The following ZNF429 variants were observed in gnomAD, a reference collection of about 807,000 sequenced individuals.
ZNF429 encodes the protein zinc finger protein 429.
A neutral mutation model predicts 56.8 loss-of-function variants in ZNF429; 53 were observed. The observed-to-expected ratio is 0.93, with a 90% CI of 0.75 to 1.17. The LOEUF (loss-of-function observed/expected upper bound fraction) is 1.17. Ranked by LOEUF, ZNF429 falls within the 50% of genes most tolerant of loss-of-function variation. The pLI is 0.00. For synonymous variants in ZNF429, 278 were observed against 264.7 expected, an observed-to-expected ratio of 1.05 and a Z score of -0.49; for missense variants, 849 against 788.4, an observed-to-expected ratio of 1.08 and a Z score of -0.92.
chr19:21,516,840 G>A (rs192811690), intron 1 of ZNF429, among the ~76,000 whole-genome samples: 5 of 152,118 alleles, frequency 3.3e-5, no homozygotes, highest in Non-Finnish European at 7.3e-5. Flanking sequence ...AAGAGCTTTT[G>A]CACCAAGACT....
At position 21,538,014 on chromosome 19, in the gene ZNF429, C is replaced by T. The variant is rs2033783942; in HGVS notation, c.1961C>T (p.Pro654Leu). The T allele has an allele frequency of 6.2e-7, 1 of 1,611,916 alleles. No individual in the cohort carries two copies. The highest frequency in any genetic ancestry group is 8.5e-7 in the Non-Finnish European group (1 of 1,178,800). ...RMGVVAHACN[P>L]STLGGRGGRI... Reference sequence around the variant, plus strand: ...GGTGTGGTGGCTCATGCCTGTAATCCCAGCACTTTGGGAGGCAGAGGTGGG... The same window carrying T: ...GGTGTGGTGGCTCATGCCTGTAATCTCAGCACTTTGGGAGGCAGAGGTGGG... Residue 654 changes from proline (P) to leucine (L), a missense_variant, in exon 4 of 4, where the codon CCC becomes CTC. Transcript: ENST00000358491.
intron 1 of ZNF429, 106 bp from the exon 2 acceptor site, chr19:21,529,552 C>A: frequency 8.5e-7 from 1 of 1,177,530 alleles, no homozygotes. Flanking sequence ...GTTCTCTTTA[C>A]TCTCTCATTT....
chr19:21,505,930 A>G lies in ZNF429; in HGVS notation c.3+156A>G, dbSNP rs1030228477. 1.2e-5 allele frequency: 9 copies of G among 743,672 alleles called. No homozygotes were observed. In the African/African-American group the frequency reaches 1.6e-4, roughly 13 times the overall value. 46.1% of individuals were successfully genotyped at this position (743,672 alleles called of 1,614,324 possible). A position where few individuals can be genotyped will look rare whatever the true frequency, so the allele number is the denominator to read the frequency against. On this transcript the variant is annotated intron_variant, in intron 1 of 3. Transcript: ENST00000358491. The stretch of plus-strand genomic sequence containing the variant: ...CTCGGCTTCAGTCCCCTTCAGCCAT[A>G]AGATGGCGACTGTGCTGACAGCCGG...
chr19:21,539,777 G>A lies in ZNF429; in HGVS notation c.*1699G>A, dbSNP rs1053200713. On this transcript the variant is annotated 3_prime_UTR_variant, in exon 4 of 4. Transcript: ENST00000358491. The stretch of plus-strand genomic sequence containing the variant: ...TGTATATATATAAAATTTTTGAAAA[G>A]CAAATTATGATATAATTCAAGTATC... Among the ~76,000 whole-genome samples the A allele has an allele frequency of 7.9e-5, 12 of 152,002 alleles. No homozygotes were observed. The highest frequency in any genetic ancestry group is 2.9e-4 in the African/African-American group (12 of 41,384).
chr19:21,532,886 C>T, intron 3 of ZNF429, among the ~76,000 whole-genome samples: 1 of 152,032 alleles, frequency 6.6e-6, no homozygotes, highest in African/African-American at 2.4e-5. Flanking sequence ...TTAGTAGAGA[C>T]AGGGTTTCAC....
At chr19:21,524,849 T>G (rs186226151) in intron 1 of ZNF429, among the ~76,000 whole-genome samples, 1 of 152,332 alleles carries the variant, frequency 6.6e-6, no homozygotes, top group East Asian at 1.9e-4. Context: ...GTTTGTTTCT[T>G]TCCTCATACA....
At chr19:21,508,699 C>CT (rs34788876) in intron 1 of ZNF429, among the ~76,000 whole-genome samples, 42 of 143,992 alleles carry the variant, frequency 2.9e-4, no homozygotes, top group Admixed American at 5.5e-4. Context: ...TTTTCTCAGG[C>CT]TTTTTTTTTT....
intron 1 of ZNF429, among the ~76,000 whole-genome samples, chr19:21,520,330 G>T (rs531786799): frequency 5.1e-4 from 78 of 152,300 alleles, no homozygotes; most frequent in African/African-American, 1.8e-3. Context: ...CTTGGTTGTT[G>T]TAGGAGAAAA....
intron 1 of ZNF429, among the ~76,000 whole-genome samples, chr19:21,509,824 G>A (rs1203356458): frequency 6.6e-6 from 1 of 152,136 alleles, no homozygotes; most frequent in African/African-American, 2.4e-5. Context: ...TTACCAAGGA[G>A]TATTGCAACA....
intron 3 of ZNF429, among the ~76,000 whole-genome samples, chr19:21,532,135 G>A: frequency 6.0e-4 from 89 of 148,808 alleles, no homozygotes; most frequent in Middle Eastern, 3.6e-3. Context: ...TTAAAAAGAC[G>A]TAAATTTTAA....
intron 1 of ZNF429, among the ~76,000 whole-genome samples, chr19:21,510,611 T>C (rs1179041064): frequency 6.6e-6 from 1 of 152,104 alleles, no homozygotes; most frequent in Non-Finnish European, 1.5e-5. Flanking sequence ...TTGATCATTC[T>C]TGGGTGTTTC....
rs760676111 is a variant in ZNF429 at position 21,537,859 on chromosome 19, T to C, written c.1806T>C (p.Phe602=). 5 of 1,613,990 alleles carry C rather than the reference T, an allele frequency of 3.1e-6. No individual in the cohort carries two copies. The highest frequency in any genetic ancestry group is 1.7e-5 in the Admixed American group (1 of 59,994). ...AATGTGAAGAATGTGGCAAAGCTTT[T>C]AATCGGTCCTCAAGACTTACTCAAC... ...PYKCEECGKA[F]NRSSRLTQHK... Residue 602 remains phenylalanine (F), a synonymous_variant, in exon 4 of 4, where the codon TTT becomes TTC. Transcript: ENST00000358491.
Position 21,526,200 on chromosome 19 carries a change from G to A in ZNF429, c.4-3458G>A, listed in dbSNP as rs78891516. Reference sequence around the variant, plus strand: ...CACTTTGACTTTTTTTTTTCCATAAGTCACTGGTGTACAGGTAGTATTTGG... The same window carrying A: ...CACTTTGACTTTTTTTTTTCCATAAATCACTGGTGTACAGGTAGTATTTGG... On this transcript the variant is annotated intron_variant, in intron 1 of 3. Transcript: ENST00000358491. 4.8e-3 allele frequency among the ~76,000 whole-genome samples: 730 copies of A among 151,192 alleles called. 7 individuals are homozygous for A. The highest frequency in any genetic ancestry group is 0.017 in the African/African-American group (689 of 41,194).
Position 21,537,534 on chromosome 19 carries a change from C to G in ZNF429, c.1481C>G (p.Ser494Ter). The G allele has an allele frequency of 6.2e-7, 1 of 1,613,608 alleles. No homozygotes were observed. Among genetic ancestry groups the G allele is most frequent in the Non-Finnish European group, 8.5e-7 (1 of 1,179,952 alleles). ...TGTGGCAAAGCCTTTAAGCAGTCCTCAAACCTTAACAGTCATAAAAAAATT... is the reference window on the plus strand; with the variant it reads ...TGTGGCAAAGCCTTTAAGCAGTCCTGAAACCTTAACAGTCATAAAAAAATT... ...EECGKAFKQS[S>*]NLNSHKKIHS... The change falls in exon 4 of 4, where the codon TCA becomes TGA. Residue 494 changes from serine to a stop codon, truncating the protein, a stop_gained. Transcript: ENST00000358491. LOFTEE classifies it high-confidence loss of function.
Position 21,537,770 on chromosome 19 carries a change from G to A in ZNF429, c.1717G>A (p.Ala573Thr). ...KPYKCKQCDK[A>T]FTHSSNLSSH... ...CTACAAATGTAAACAATGTGACAAA[G>A]CTTTTACCCACTCCTCAAACCTTAG... Residue 573 changes from alanine to threonine, a missense_variant, in exon 4 of 4, where the codon GCT becomes ACT. Transcript: ENST00000358491. 1 of 1,613,452 alleles carries A rather than the reference G, an allele frequency of 6.2e-7. No homozygotes were observed. The highest frequency in any genetic ancestry group is 8.5e-7 in the Non-Finnish European group (1 of 1,179,944).
In ZNF429 at chr19:21,535,291, C is replaced by A; in HGVS notation, c.227-989C>A. On this transcript the variant is annotated intron_variant, in intron 3 of 3. Coordinates refer to ENST00000358491, the MANE Select transcript of ZNF429 (RefSeq NM_001001415.4). ...CTCATTGTGAAGTATACCACCATTT[C>A]TTTCCTTCTTTCTTTCTTTCTTTCT... Among the ~76,000 whole-genome samples, 4 of 126,322 alleles carry A rather than the reference C, an allele frequency of 3.2e-5. No homozygotes were observed. In the Admixed American group the frequency reaches 3.2e-4, roughly 10 times the overall value. The allele number at this position is 126,322 out of a possible 152,430, so 82.9% of individuals were successfully genotyped here.
chr19:21,534,292 G>A, intron 3 of ZNF429, among the ~76,000 whole-genome samples: 1 of 145,846 alleles, frequency 6.9e-6, no homozygotes, highest in South Asian at 2.2e-4. Flanking sequence ...TATATTTTTG[G>A]ATTTTCCAGT....
Position 21,534,389 on chromosome 19 carries a change from GTTTT to G in ZNF429, c.227-1890_227-1887del. Among the ~76,000 whole-genome samples the G allele has an allele frequency of 5.2e-4, 75 of 144,436 alleles. 1 individual carries two copies. The highest frequency in any genetic ancestry group is 1.5e-3 in the African/African-American group (57 of 39,080). 94.8% of individuals were successfully genotyped at this position (144,436 alleles called of 152,430 possible). A position where few individuals can be genotyped will look rare whatever the true frequency, so the allele number is the denominator to read the frequency against. On this transcript the variant is annotated intron_variant, in intron 3 of 3. Coordinates refer to ENST00000358491, the MANE Select transcript of ZNF429 (RefSeq NM_001001415.4). ...TTTGGTCTTTTAAATTTTATTTGTT[GTTTT>G]GAGACAGGAGCTTACTCTGTCACCC...
At position 21,535,358 on chromosome 19, in the gene ZNF429, C is replaced by CTT; in HGVS notation, c.227-921_227-920dup. On this transcript the variant is annotated intron_variant, in intron 3 of 3. Coordinates refer to ENST00000358491, the MANE Select transcript of ZNF429 (RefSeq NM_001001415.4). ...TCTTTTCTTTCCTTTCCTTTCTTTT[C>CTT]TTCTTTCTTTCTTTCTTTCTTTTTT... 1.1e-3 allele frequency among the ~76,000 whole-genome samples: 72 copies of CTT among 65,134 alleles called. 9 individuals carry two copies. The highest frequency in any genetic ancestry group is 5.0e-3 in the African/African-American group (70 of 14,118). 42.7% of individuals were successfully genotyped at this position (65,134 alleles called of 152,430 possible).
Sources: gnomAD v4.1 joint callset for allele counts (sites outside exome capture counted in the v4.1 genomes callset) on GRCh38, gnomAD v4.1.1 for gene constraint, MANE v1.5 for transcripts, NCBI Gene and HGNC (gene_info 2026-07-23, HGNC 2026-07-21) for gene names.